The following LINGO2 variants were observed in gnomAD, a reference collection of about 807,000 sequenced individuals.
LINGO2 encodes the protein leucine-rich repeat and immunoglobulin-like domain-containing nogo receptor-interacting protein 2.
Under a neutral mutation model 30.6 loss-of-function variants are expected in LINGO2, and 14 were observed. The ratio of observed to expected loss-of-function variants is 0.46; its 90% CI spans 0.30 to 0.72. The LOEUF is 0.72. LINGO2 is among the 30% of genes least tolerant of loss of function. The pLI is 0.07. For synonymous variants in LINGO2, 317 were observed against 288.5 expected, an observed-to-expected ratio of 1.10 and a Z score of -1.00; for missense variants, 729 against 751.7, an observed-to-expected ratio of 0.97 and a Z score of 0.35.
At chr9:28,837,759 G>A in the LINGO2 span, among the ~76,000 whole-genome samples, 3 of 147,606 alleles carry the variant, frequency 2.0e-5, no homozygotes, top group African/African-American at 7.5e-5. Flanking sequence ...GACAGATAGT[G>A]AAGCTTGACT....
chr9:28,043,029 T>G (rs1824263328), intron 4 of LINGO2, among the ~76,000 whole-genome samples: 1 of 152,184 alleles, frequency 6.6e-6, no homozygotes, highest in African/African-American at 2.4e-5. Context: ...ATGGTTTGAA[T>G]AAAGACTGCC....
At chr9:28,232,919 T>C (rs1378900007) in intron 4 of LINGO2, among the ~76,000 whole-genome samples, 2 of 151,130 alleles carry the variant, frequency 1.3e-5, no homozygotes, top group East Asian at 1.9e-4. Context: ...CCCATGCATA[T>C]GGGAAATACC....
intron 2 of LINGO2, among the ~76,000 whole-genome samples, chr9:28,378,840 A>G (rs1242502861): frequency 6.6e-6 from 1 of 152,156 alleles, no homozygotes; most frequent in Non-Finnish European, 1.5e-5. Flanking sequence ...GCAAGAATGC[A>G]CCTCAGTTTC....
chr9:28,048,841 TAAC>T lies in LINGO2; in HGVS notation c.-86-36439_-86-36437del, dbSNP rs1289827941. Among the ~76,000 whole-genome samples the T allele has an allele frequency of 1.3e-5, 2 of 150,430 alleles. 1 individual carries two copies. Among genetic ancestry groups the T allele is most frequent in the African/African-American group, 4.9e-5 (2 of 40,540 alleles). ...CGATGAAAATAGCAACATATATATG[TAAC>T]TATATATATATGTAGTTTGTGTTTG... On this transcript the variant is annotated intron_variant, in intron 4 of 5. Transcript: ENST00000379992.
chr9:28,063,349 A>T (rs548220429), intron 4 of LINGO2, among the ~76,000 whole-genome samples: 1 of 152,296 alleles, frequency 6.6e-6, no homozygotes, highest in East Asian at 1.9e-4. Context: ...ATATAATATT[A>T]ATAGAGTCAT....
chr9:28,217,565 T>G (rs2133883416), intron 4 of LINGO2, among the ~76,000 whole-genome samples: 1 of 152,154 alleles, frequency 6.6e-6, no homozygotes, highest in South Asian at 2.1e-4. Context: ...AAGAGAGTCT[T>G]GGAAGTCTTA....
the LINGO2 span, among the ~76,000 whole-genome samples, chr9:28,839,003 G>A: frequency 6.6e-6 from 1 of 152,194 alleles, no homozygotes; most frequent in East Asian, 1.9e-4. Flanking sequence ...TATCGCAAGT[G>A]GCTTCCACTG....
At chr9:29,036,272 T>C in the LINGO2 span, among the ~76,000 whole-genome samples, 48 of 152,230 alleles carry the variant, frequency 3.2e-4, no homozygotes, top group South Asian at 4.3e-3. Context: ...AAAGTGATTA[T>C]AAGAAATGAA....
intron 1 of LINGO2, among the ~76,000 whole-genome samples, chr9:28,551,319 A>C (rs1822267305): frequency 6.6e-6 from 1 of 151,862 alleles, no homozygotes; most frequent in Non-Finnish European, 1.5e-5. Context: ...CCTTGTATCC[A>C]TCAATCTCTC....
the LINGO2 span, among the ~76,000 whole-genome samples, chr9:28,752,781 T>C: frequency 1.3e-5 from 2 of 152,028 alleles, no homozygotes; most frequent in East Asian, 3.9e-4. Context: ...GTTTGGGCTT[T>C]ATACAGAAAA....
intron 1 of LINGO2, among the ~76,000 whole-genome samples, chr9:28,550,631 G>C (rs1587842833): frequency 1.3e-5 from 2 of 151,676 alleles, no homozygotes; most frequent in East Asian, 3.9e-4. Flanking sequence ...CTTGGGCTTT[G>C]AATTGCTGCT....
At chr9:28,365,278 GA>G (rs1820616441) in intron 3 of LINGO2, among the ~76,000 whole-genome samples, 4 of 152,100 alleles carry the variant, frequency 2.6e-5, no homozygotes, top group African/African-American at 9.7e-5. Context: ...CTTTCTAGAG[GA>G]AGATCAGGAT....
At chr9:28,084,635 G>C (rs981044) in intron 4 of LINGO2, among the ~76,000 whole-genome samples, 31,147 of 152,064 alleles carry the variant, frequency 0.2, 3,681 homozygotes, top group East Asian at 0.4. Flanking sequence ...ACTCCCAGTA[G>C]TAGGTGAAAA....
At chr9:28,661,215 C>T (rs889929521) in intron 1 of LINGO2, among the ~76,000 whole-genome samples, 2 of 152,078 alleles carry the variant, frequency 1.3e-5, no homozygotes, top group African/African-American at 4.8e-5. Context: ...TATTCTTTGT[C>T]TTGAAATCCT....
the LINGO2 span, among the ~76,000 whole-genome samples, chr9:28,855,513 A>G: frequency 0.79 from 120,284 of 151,912 alleles, 47,693 homozygotes; most frequent in East Asian, 0.89. Context: ...AGATCAGGTA[A>G]GTTTTATAAT....
the LINGO2 span, among the ~76,000 whole-genome samples, chr9:29,140,961 G>C: frequency 1.3e-5 from 2 of 151,940 alleles, no homozygotes; most frequent in African/African-American, 4.8e-5. Context: ...GTGAAATAAA[G>C]ATGTGCCCAG....
At chr9:28,273,927 G>C (rs1177351009) in intron 4 of LINGO2, among the ~76,000 whole-genome samples, 2 of 152,110 alleles carry the variant, frequency 1.3e-5, no homozygotes, top group African/African-American at 4.8e-5. Flanking sequence ...CCTGCCTAGA[G>C]AGCAATGGAC....
intron 1 of LINGO2, among the ~76,000 whole-genome samples, chr9:28,574,305 C>T (rs1409319579): frequency 2.0e-5 from 3 of 152,162 alleles, no homozygotes; most frequent in African/African-American, 7.2e-5. Context: ...GATCTGAAAA[C>T]AGGTAAACAG....
the LINGO2 span, among the ~76,000 whole-genome samples, chr9:29,183,091 C>A: frequency 6.6e-6 from 1 of 151,992 alleles, no homozygotes; most frequent in African/African-American, 2.4e-5. Context: ...GCTCATATTA[C>A]CAGAAAGAAA....
Sources: gnomAD v4.1 joint callset for allele counts (sites outside exome capture counted in the v4.1 genomes callset) on GRCh38, gnomAD v4.1.1 for gene constraint, MANE v1.5 for transcripts, NCBI Gene and HGNC (gene_info 2026-07-23, HGNC 2026-07-21) for gene names.